Variants in VPS13D observed in about 807,000 individuals in gnomAD.
VPS13D encodes the protein vacuolar protein sorting 13 homolog D, also known as intermembrane lipid transfer protein VPS13D.
Under a neutral mutation model 461.9 loss-of-function variants are expected in VPS13D, and 187 were observed. The ratio of observed to expected loss-of-function variants is 0.40; its 90% CI spans 0.36 to 0.46. The LOEUF (loss-of-function observed/expected upper bound fraction) is 0.46. Ranked by LOEUF, VPS13D falls within the 20% of genes least tolerant of loss-of-function variation. The pLI, the probability that VPS13D is intolerant of heterozygous loss-of-function variation, is 0.60. For synonymous variants in VPS13D, 1,951 were observed against 1,986.3 expected (o/e 0.98, Z 0.47); for missense variants, 4,711 against 5,364.9 (o/e 0.88, Z 3.81).
chr1:12,316,285 T>C (rs1315066838), intron 30 of VPS13D, among the ~76,000 whole-genome samples: 1 of 152,210 alleles, frequency 6.6e-6, no homozygotes, highest in Admixed American at 6.5e-5. Context: ...TGGCTCTTGC[T>C]AACAGAAATA....
chr1:12,417,761 G>A (rs766416885), intron 65 of VPS13D, among the ~76,000 whole-genome samples: 1 of 152,188 alleles, frequency 6.6e-6, no homozygotes, highest in Non-Finnish European at 1.5e-5. Context: ...TTAATAATGT[G>A]TGAAAGCTGA....
chr1:12,463,167 T>A (rs564848295), intron 67 of VPS13D, among the ~76,000 whole-genome samples: 1 of 152,284 alleles, frequency 6.6e-6, no homozygotes, highest in Non-Finnish European at 1.5e-5. Flanking sequence ...ACCGTGATCA[T>A]TGAGGCACAG....
rs370110025 is a variant in VPS13D at position 12,267,027 on chromosome 1, G to A, written c.1725+16G>A. Reference sequence around the variant, plus strand: ...CCCTAATCCAGTATGTACAACAGTTGGATAGTTAATGTATCTAAGGTGTTG... The same window carrying A: ...CCCTAATCCAGTATGTACAACAGTTAGATAGTTAATGTATCTAAGGTGTTG... On this transcript the variant is annotated intron_variant, in intron 14 of 69. Coordinates refer to ENST00000620676, the MANE Select transcript of VPS13D (RefSeq NM_015378.4). The A allele has an allele frequency of 2.0e-5, 31 of 1,553,572 alleles. No homozygotes were observed. The African/African-American group carries it at 4.0e-4, about 20-fold the overall frequency.
chr1:12,295,905 A>G (rs1312721170), intron 24 of VPS13D, among the ~76,000 whole-genome samples: 3 of 152,210 alleles, frequency 2.0e-5, no homozygotes, highest in Non-Finnish European at 4.4e-5. Flanking sequence ...AAAATTTCTA[A>G]ACGGTATCTT....
chr1:12,346,431 A>G (rs1557723318), intron 43 of VPS13D, among the ~76,000 whole-genome samples, 174 bp from the exon 44 acceptor site: 1 of 152,180 alleles, frequency 6.6e-6, no homozygotes, highest in Non-Finnish European at 1.5e-5. Context: ...TTATAAAATG[A>G]ATATTGTTTT....
rs141107299 is a variant in VPS13D at position 12,353,413 on chromosome 1, G to T, written c.9432-561G>T. Among the ~76,000 whole-genome samples, 1,416 of 151,252 alleles carry T rather than the reference G, an allele frequency of 9.4e-3. 28 individuals carry two copies. The highest frequency in any genetic ancestry group is 0.033 in the African/African-American group (1,366 of 41,170). On this transcript the variant is annotated intron_variant, in intron 46 of 69. Transcript: ENST00000620676. ...CTGGACGTGGTGGTGGTCGCCTGTA[G>T]TCCCAGCTACTCGGAAGGCTGAGGC... is the stretch of plus-strand genomic sequence containing the variant.
intron 57 of VPS13D, 118 bp downstream of exon 57, chr1:12,379,714 A>G: frequency 1.6e-6 from 1 of 627,762 alleles, no homozygotes; most frequent in East Asian, 3.3e-5. Context: ...ACAGAGCAAT[A>G]CTTATTCTAT....
rs1053332108 is a variant in VPS13D, at chr1:12,473,787, C to A, written c.12662+13391C>A. On this transcript the variant is annotated intron_variant, in intron 67 of 69. Transcript: ENST00000620676. This position sits in a 1 kb window ranked among gnomAD's most constrained non-coding sequence, Gnocchi z 4.2. Reference sequence around the variant, plus strand: ...TGCTAGAGTGTGAGGACTAGGAGTTCATGTGCTTGGCTGGGCTTTTGTCCT... The same window carrying A: ...TGCTAGAGTGTGAGGACTAGGAGTTAATGTGCTTGGCTGGGCTTTTGTCCT... 2.6e-5 allele frequency among the ~76,000 whole-genome samples: 4 copies of A among 152,064 alleles called. No homozygotes were observed. The highest frequency in any genetic ancestry group is 9.7e-5 in the African/African-American group (4 of 41,324).
intron 27 of VPS13D, among the ~76,000 whole-genome samples, chr1:12,311,045 A>G (rs1642734254): frequency 6.6e-6 from 1 of 151,666 alleles, no homozygotes; most frequent in Admixed American, 6.6e-5. Flanking sequence ...CCTCCTGAGT[A>G]GCTGGGACCA....
chr1:12,249,418 G>A (rs1379282409), intron 6 of VPS13D, 79 bp downstream of exon 6: 8 of 1,156,504 alleles, frequency 6.9e-6, no homozygotes, highest in Non-Finnish European at 1.0e-5. Context: ...GCCATTTTGT[G>A]TTATGTAAAT....
At chr1:12,449,251 C>CT (rs1645231591) in intron 65 of VPS13D, among the ~76,000 whole-genome samples, 1 of 152,116 alleles carries the variant, frequency 6.6e-6, no homozygotes, top group Non-Finnish European at 1.5e-5. Flanking sequence ...GATTCCTCCC[C>CT]TTTTTTTCTC....
Position 12,268,857 on chromosome 1 carries a change from G to A in VPS13D, c.1953G>A (p.Lys651=), listed in dbSNP as rs1641351983. 1 of 1,612,322 alleles carries A rather than the reference G, an allele frequency of 6.2e-7. No individual in the cohort carries two copies. The highest frequency in any genetic ancestry group is 8.5e-7 in the Non-Finnish European group (1 of 1,179,516). ...AIKKVADFFY[K]GKVHTSGFGY... ...AAAAAGTAGCAGACTTTTTCTACAAGGGAAAGGTTCATACCTCAGGTTAAC... is the reference window on the plus strand; with the variant it reads ...AAAAAGTAGCAGACTTTTTCTACAAAGGAAAGGTTCATACCTCAGGTTAAC... Residue 651 remains lysine, a synonymous_variant, in exon 16 of 70, where the codon AAG becomes AAA. Coordinates refer to ENST00000620676, the MANE Select transcript of VPS13D (RefSeq NM_015378.4).
intron 32 of VPS13D, among the ~76,000 whole-genome samples, chr1:12,320,022 C>G (rs570408684): frequency 6.6e-6 from 1 of 152,290 alleles, no homozygotes; most frequent in East Asian, 1.9e-4. Context: ...GGAGTGCAGC[C>G]CTGTGAAGAG....
In VPS13D at chr1:12,458,129, A is replaced by G. The variant is rs979049171; in HGVS notation, c.12466+1999A>G. 2.4e-4 allele frequency among the ~76,000 whole-genome samples: 36 copies of G among 152,204 alleles called. 1 individual carries two copies. The highest frequency in any genetic ancestry group is 8.2e-4 in the African/African-American group (34 of 41,444). On this transcript the variant is annotated intron_variant, in intron 66 of 69. Transcript: ENST00000620676. ...ATCAAGAATCATTCCTATAATATGTACAGCCTCTCCAGGAGCCAATGGCTT... is the reference window on the plus strand; with the variant it reads ...ATCAAGAATCATTCCTATAATATGTGCAGCCTCTCCAGGAGCCAATGGCTT...
At chr1:12,233,391 C>T (rs1189896660) in intron 1 of VPS13D, among the ~76,000 whole-genome samples, 15 of 152,142 alleles carry the variant, frequency 9.9e-5, no homozygotes, top group Admixed American at 9.2e-4. Context: ...GCTCTGTTGA[C>T]ATTTGGGTTG....
chr1:12,324,410 A>T (rs540782881), intron 35 of VPS13D, among the ~76,000 whole-genome samples: 1 of 152,196 alleles, frequency 6.6e-6, no homozygotes, highest in East Asian at 1.9e-4. Flanking sequence ...AGGCTGAGGC[A>T]GGAGAATCGA....
chr1:12,488,136 G>A (rs1055009606), intron 67 of VPS13D, among the ~76,000 whole-genome samples: 1 of 152,208 alleles, frequency 6.6e-6, no homozygotes, highest in Non-Finnish European at 1.5e-5. Flanking sequence ...AGGAGAACTT[G>A]TCCCCCAGGG....
intron 60 of VPS13D, among the ~76,000 whole-genome samples, chr1:12,399,712 AGGAG>A (rs1644548852): frequency 6.6e-6 from 1 of 150,476 alleles, no homozygotes; most frequent in Non-Finnish European, 1.5e-5. Flanking sequence ...CCAGCTACTC[AGGAG>A]GCTGAGGCAG....
chr1:12,235,303 G>A (rs2101176510), intron 2 of VPS13D, among the ~76,000 whole-genome samples: 1 of 152,316 alleles, frequency 6.6e-6, no homozygotes, highest in South Asian at 2.1e-4. Context: ...TTCCGGCCAG[G>A]CGCGGTGGCT....
Sources: allele counts gnomAD v4.1 joint callset (sites outside exome capture counted in the v4.1 genomes callset), GRCh38; gene constraint gnomAD v4.1.1; non-coding constraint Gnocchi (gnomAD v3.1); transcripts MANE v1.5; gene names NCBI Gene and HGNC (gene_info 2026-07-23, HGNC 2026-07-21).